Variants in GNAO1 observed in about 807,000 individuals in gnomAD.
GNAO1 encodes guanine nucleotide-binding protein G(o) subunit alpha.
For synonymous variants in GNAO1, 164 were observed against 180.7 expected (o/e 0.91, Z 0.74); for missense variants, 166 against 478.7 (o/e 0.35, Z 6.10).
chr16:56,234,233 C>G (rs1271324682), intron 2 of GNAO1, among the ~76,000 whole-genome samples: 1 of 152,264 alleles, frequency 6.6e-6, no homozygotes, highest in East Asian at 1.9e-4. Flanking sequence ...CTGTCTCAAC[C>G]TCTCTGGTGG....
intron 2 of GNAO1, among the ~76,000 whole-genome samples, chr16:56,221,188 C>T (rs1225987419): frequency 6.6e-6 from 1 of 152,170 alleles, no homozygotes; most frequent in Admixed American, 6.5e-5. Flanking sequence ...CGTTGGACTC[C>T]CCAACCTCTA....
chr16:56,220,836 T>A (rs2143363948), intron 2 of GNAO1, among the ~76,000 whole-genome samples: 1 of 152,182 alleles, frequency 6.6e-6, no homozygotes, highest in Non-Finnish European at 1.5e-5. Flanking sequence ...CAACCTCTGC[T>A]GCCCGGGTTC....
intron 2 of GNAO1, among the ~76,000 whole-genome samples, chr16:56,209,801 C>T (rs1035962521): frequency 1.3e-5 from 2 of 152,042 alleles, no homozygotes; most frequent in East Asian, 1.9e-4. Flanking sequence ...AATTCCCATA[C>T]GTCCCTCCCC....
At chr16:56,332,890 G>T (rs1448716957) in intron 4 of GNAO1, among the ~76,000 whole-genome samples, 2 of 152,268 alleles carry the variant, frequency 1.3e-5, no homozygotes, top group African/African-American at 2.4e-5. Context: ...GGTCATGGGC[G>T]CCAGGGCGGG....
intron 2 of GNAO1, among the ~76,000 whole-genome samples, chr16:56,212,621 T>A (rs1343296715): frequency 6.6e-6 from 1 of 152,200 alleles, no homozygotes; most frequent in African/African-American, 2.4e-5. Context: ...CTTCTAGAAG[T>A]AGAGTGTTTG....
chr16:56,262,810 C>A (rs1164245180), intron 2 of GNAO1, among the ~76,000 whole-genome samples: 2 of 152,148 alleles, frequency 1.3e-5, no homozygotes, highest in African/African-American at 4.8e-5. Context: ...GACATTGAAC[C>A]AATTTGCCTC....
At chr16:56,252,680 G>C (rs911729441) in intron 2 of GNAO1, among the ~76,000 whole-genome samples, 2 of 152,204 alleles carry the variant, frequency 1.3e-5, no homozygotes, top group African/African-American at 4.8e-5. Flanking sequence ...TAGTGAGGCT[G>C]ACATAGGAAG....
rs771582466 is a variant in GNAO1, at chr16:56,343,863, C to T, written c.723+7003C>T. On this transcript the variant is annotated intron_variant, in intron 6 of 8. Coordinates refer to ENST00000262493, the MANE Select transcript of GNAO1 (RefSeq NM_020988.3). Reference sequence around the variant, plus strand: ...AGATCTACACCCACGTCACCTGCGCCACGGACACCAACAACATCCAGTTTG... The same window carrying T: ...AGATCTACACCCACGTCACCTGCGCTACGGACACCAACAACATCCAGTTTG... 75 of 1,614,006 alleles carry T rather than the reference C, an allele frequency of 4.6e-5. 1 individual carries two copies. Among genetic ancestry groups the T allele is most frequent in the Non-Finnish European group, 6.3e-5 (74 of 1,179,966 alleles).
chr16:56,282,829 T>C (rs1220979979), intron 3 of GNAO1, among the ~76,000 whole-genome samples: 1 of 152,232 alleles, frequency 6.6e-6, no homozygotes, highest in Non-Finnish European at 1.5e-5. Context: ...GATTCTGTGA[T>C]ATGCAGTTGA....
In GNAO1 at chr16:56,275,129, G is replaced by A. The variant is rs76262257; in HGVS notation, c.162-802G>A. On this transcript the variant is annotated intron_variant, in intron 2 of 8. Coordinates refer to ENST00000262493, the MANE Select transcript of GNAO1 (RefSeq NM_020988.3). ...GAGTTTACATAGTTCATTGAGGGAG[G>A]ACAAATGTAGGATGTTAATCTTAAA... Among the ~76,000 whole-genome samples, 147 of 152,334 alleles carry A rather than the reference G, an allele frequency of 9.6e-4. 3 individuals carry two copies. The highest frequency in any genetic ancestry group is 3.4e-3 in the African/African-American group (140 of 41,580).
At position 56,344,234 on chromosome 16, in the gene GNAO1, G is replaced by C. The variant is rs2037840156; in HGVS notation, c.724-7150G>C. ...TGAGTGCTTGATCGGGAAGCTGGGG[G>C]GACAGGGCAGGGCCCAGATGGGCAC... On this transcript the variant is annotated intron_variant, in intron 6 of 8. Coordinates refer to ENST00000262493, the MANE Select transcript of GNAO1 (RefSeq NM_020988.3). 15 of 1,367,542 alleles carry C rather than the reference G, an allele frequency of 1.1e-5. No individual in the cohort carries two copies. In the African/African-American group the frequency reaches 1.2e-4, roughly 11 times the overall value. 84.7% of individuals were successfully genotyped at this position (1,367,542 alleles called of 1,614,324 possible). A position where few individuals can be genotyped will look rare whatever the true frequency, so the allele number is the denominator to read the frequency against.
chr16:56,322,271 C>T (rs1397989572), intron 3 of GNAO1, among the ~76,000 whole-genome samples: 14 of 152,280 alleles, frequency 9.2e-5, no homozygotes, highest in Non-Finnish European at 1.6e-4. Flanking sequence ...AGAGAACATG[C>T]ATGTGTTTTG....
At chr16:56,346,072 A>T (rs1488809875) in intron 6 of GNAO1, 1 of 985,414 alleles carries the variant, frequency 1.0e-6, no homozygotes, top group Admixed American at 6.1e-5. Context: ...CTCCATCCCC[A>T]GCCTGCCTTT....
chr16:56,349,592 G>T (rs1184514443), intron 6 of GNAO1, among the ~76,000 whole-genome samples: 1 of 152,236 alleles, frequency 6.6e-6, no homozygotes, highest in African/African-American at 2.4e-5. Context: ...TGGGGAATCA[G>T]AATGAAATTT....
At chr16:56,195,214 C>G (rs915202077) in intron 2 of GNAO1, among the ~76,000 whole-genome samples, 10 of 151,480 alleles carry the variant, frequency 6.6e-5, no homozygotes, top group Non-Finnish European at 1.3e-4. Flanking sequence ...TAGGTCTGTT[C>G]AAAAGGTCCA....
intron 2 of GNAO1, among the ~76,000 whole-genome samples, chr16:56,265,888 C>T (rs2036947506): frequency 6.6e-6 from 1 of 152,010 alleles, no homozygotes; most frequent in Admixed American, 6.6e-5. Flanking sequence ...TGGCCTCATC[C>T]CCCACTTTCC....
intron 3 of GNAO1, among the ~76,000 whole-genome samples, chr16:56,278,060 C>T (rs893860819): frequency 6.6e-6 from 1 of 152,020 alleles, no homozygotes; most frequent in Non-Finnish European, 1.5e-5. Flanking sequence ...GACTATGATA[C>T]GTTAAGGACT....
intron 6 of GNAO1, among the ~76,000 whole-genome samples, chr16:56,337,215 A>G (rs1567489556): frequency 3.9e-5 from 6 of 152,256 alleles, no homozygotes. Flanking sequence ...AAGAATGTAC[A>G]GGCAACAGAA....
At chr16:56,337,814 C>T (rs2143667843) in intron 6 of GNAO1, among the ~76,000 whole-genome samples, 1 of 152,276 alleles carries the variant, frequency 6.6e-6, no homozygotes. Context: ...CTGCAGCCCG[C>T]CAGGCACCGA....
Sources: allele counts gnomAD v4.1 joint callset (sites outside exome capture counted in the v4.1 genomes callset), GRCh38; gene constraint gnomAD v4.1.1; transcripts MANE v1.5; gene names NCBI Gene and HGNC (gene_info 2026-07-23, HGNC 2026-07-21).